Variants in KAZN observed in about 807,000 individuals in gnomAD.
KAZN encodes kazrin.
KAZN carries 40 observed loss-of-function variants against 87.4 expected under a neutral mutation model. That is an observed-to-expected ratio of 0.46 (90% CI 0.36 to 0.60). The LOEUF is 0.60. Among genes scored for constraint, KAZN ranks in the 20% least tolerant of loss-of-function variants. The pLI, the probability that KAZN is intolerant of heterozygous loss-of-function variation, is 0.00. For missense variants in KAZN, 898 were observed against 1,073.9 expected, an observed-to-expected ratio of 0.84 and a Z score of 2.29; for synonymous variants, 466 against 458.3, an observed-to-expected ratio of 1.02 and a Z score of -0.22.
At chr1:14,101,682 T>A (rs980683445) in intron 1 of KAZN, among the ~76,000 whole-genome samples, 1 of 152,206 alleles carries the variant, frequency 6.6e-6, no homozygotes. Flanking sequence ...TTAAGTAGAA[T>A]TTTTAGTGAG....
intron 2 of KAZN, among the ~76,000 whole-genome samples, chr1:14,405,606 A>ATGTGTGTGTGTGTGTGTG (rs111850452): frequency 2.2e-5 from 3 of 136,220 alleles, no homozygotes; most frequent in Middle Eastern, 3.4e-3. Context: ...ACCCAATAAA[A>ATGTGTGTGTGTGTGTGTG]TGTGTGTGTG....
At chr1:15,074,351 A>G (rs566010933) in intron 8 of KAZN, among the ~76,000 whole-genome samples, 1 of 152,276 alleles carries the variant, frequency 6.6e-6, no homozygotes, top group African/African-American at 2.4e-5. Flanking sequence ...GAGAGGCAGT[A>G]TGTGAGAAAA....
At position 14,663,859 on chromosome 1, in the gene KAZN, T is replaced by C. The variant is rs76659272; in HGVS notation, c.226+64636T>C. On this transcript the variant is annotated intron_variant, in intron 1 of 14. Transcript: ENST00000376030. The stretch of plus-strand genomic sequence containing the variant: ...TGGAAAGCAGGGTCTTGAAAAGATA[T>C]TTGTACACCAACTTCATACTAGTGT... Among the ~76,000 whole-genome samples, 1,419 of 152,308 alleles carry C rather than the reference T, an allele frequency of 9.3e-3. 24 individuals carry two copies. The highest frequency in any genetic ancestry group is 0.032 in the African/African-American group (1,314 of 41,574).
intron 2 of KAZN, among the ~76,000 whole-genome samples, chr1:14,528,889 C>T (rs77275956): frequency 0.019 from 2,938 of 152,228 alleles, 36 homozygotes; most frequent in Non-Finnish European, 0.029. Flanking sequence ...TTATTCATGT[C>T]CCTCTCGCAG....
chr1:14,777,945 G>A (rs1249304824), intron 1 of KAZN, among the ~76,000 whole-genome samples: 1 of 152,096 alleles, frequency 6.6e-6, no homozygotes, highest in East Asian at 1.9e-4. Context: ...AGCATATAAT[G>A]AGCCATGAGG....
intron 1 of KAZN, among the ~76,000 whole-genome samples, chr1:14,126,957 T>G (rs1644884822): frequency 6.6e-6 from 1 of 152,084 alleles, no homozygotes; most frequent in Non-Finnish European, 1.5e-5. Flanking sequence ...AATACAAAAA[T>G]TAGCCAGGCA....
intron 1 of KAZN, among the ~76,000 whole-genome samples, chr1:14,722,661 G>A: frequency 6.6e-6 from 1 of 152,108 alleles, no homozygotes; most frequent in East Asian, 1.9e-4. Flanking sequence ...TTTGATTGTG[G>A]AGAATTTCAA....
chr1:14,106,648 C>T (rs1644380774), intron 1 of KAZN, among the ~76,000 whole-genome samples: 1 of 152,152 alleles, frequency 6.6e-6, no homozygotes, highest in Admixed American at 6.5e-5. Flanking sequence ...AATTGATCTT[C>T]CCTGAGGTTG....
intron 1 of KAZN, among the ~76,000 whole-genome samples, chr1:14,164,757 C>A (rs1333682901): frequency 4.6e-5 from 7 of 151,934 alleles, no homozygotes; most frequent in Non-Finnish European, 5.9e-5. Flanking sequence ...TCAGGCTGGT[C>A]CCAAATCCTA....
intron 1 of KAZN, among the ~76,000 whole-genome samples, chr1:14,753,589 AAAAAT>A (rs951533001): frequency 4.6e-5 from 7 of 152,314 alleles, no homozygotes; most frequent in Admixed American, 1.3e-4. Context: ...AAAATTAAAA[AAAAAT>A]AAAATAAAAT....
chr1:14,413,871 G>T (rs747488206), intron 2 of KAZN, among the ~76,000 whole-genome samples: 1 of 152,130 alleles, frequency 6.6e-6, no homozygotes, highest in Non-Finnish European at 1.5e-5. Context: ...TCAATAAAAT[G>T]GAAGGTAAAG....
intron 1 of KAZN, among the ~76,000 whole-genome samples, chr1:14,133,789 C>T (rs1358674689): frequency 1.3e-5 from 2 of 152,168 alleles, no homozygotes; most frequent in East Asian, 3.9e-4. Flanking sequence ...CACAGGATGC[C>T]TCCTGAAACA....
intron 1 of KAZN, among the ~76,000 whole-genome samples, chr1:14,685,025 C>T (rs1299801882): frequency 6.6e-6 from 1 of 152,078 alleles, no homozygotes; most frequent in African/African-American, 2.4e-5. Flanking sequence ...TGCTCCATCC[C>T]GAGAGTAAAA....
intron 4 of KAZN, among the ~76,000 whole-genome samples, chr1:15,044,848 A>T (rs1045038252): frequency 2.0e-5 from 3 of 152,122 alleles, no homozygotes; most frequent in Non-Finnish European, 4.4e-5. Flanking sequence ...TCAGAGTGGT[A>T]GCAACTTTTA....
intron 1 of KAZN, among the ~76,000 whole-genome samples, chr1:14,163,374 A>AT (rs1328016502): frequency 6.6e-6 from 1 of 151,902 alleles, no homozygotes. Flanking sequence ...TTCTCTCTTG[A>AT]TTTTTTTCCT....
intron 1 of KAZN, among the ~76,000 whole-genome samples, chr1:14,133,379 AAGAAAG>A (rs1225456272): frequency 2.1e-5 from 2 of 95,116 alleles, no homozygotes; most frequent in African/African-American, 8.0e-5. Context: ...AAAAAAAAAA[AAGAAAG>A]AAAGAAAGAA....
intron 2 of KAZN, among the ~76,000 whole-genome samples, chr1:14,187,748 C>T (rs770225119): frequency 1.3e-5 from 2 of 152,192 alleles, no homozygotes; most frequent in African/African-American, 2.4e-5. Flanking sequence ...ACTTATCCAA[C>T]TTCAAATGTT....
rs148063374 is a variant in KAZN at position 14,570,267 on chromosome 1, A to T, written c.250-28716A>T. On this transcript the variant is annotated intron_variant, in intron 2 of 16. Transcript: ENST00000636203. ...TAACAGCTTTATTAGGGTATAATTT[A>T]TATGCCATAAAATGTTCCCAAGTGT... Among the ~76,000 whole-genome samples the T allele has an allele frequency of 3.2e-3, 480 of 151,732 alleles. 16 individuals are homozygous for T. The East Asian group carries it at 0.055, about 17-fold the overall frequency.
intron 2 of KAZN, among the ~76,000 whole-genome samples, chr1:14,335,387 G>A (rs148084955): frequency 1.3e-5 from 2 of 151,998 alleles, no homozygotes; most frequent in African/African-American, 4.8e-5. Context: ...ATTTTTAGTA[G>A]AGACGGGGTT....
Sources: allele counts gnomAD v4.1 joint callset (sites outside exome capture counted in the v4.1 genomes callset), GRCh38; gene constraint gnomAD v4.1.1; transcripts MANE v1.5; gene names NCBI Gene and HGNC (gene_info 2026-07-23, HGNC 2026-07-21).